The following EIF4G1 variants were observed in gnomAD, a reference collection of about 807,000 sequenced individuals.
EIF4G1 encodes the protein EIF4-gamma.
In EIF4G1, 4 loss-of-function variants were observed where a neutral mutation model predicts 187.8. The ratio of observed to expected loss-of-function variants is 0.02; its 90% CI spans 0.01 to 0.05. The LOEUF is 0.05. Among genes scored for constraint, EIF4G1 ranks in the 10% least tolerant of loss-of-function variants. The pLI, the probability that EIF4G1 is intolerant of heterozygous loss-of-function variation, is 1.00. For missense variants in EIF4G1, 1,647 were observed against 2,081.1 expected (o/e 0.79, Z 4.06); for synonymous variants, 844 against 781.4 (o/e 1.08, Z -1.34).
Position 184,331,720 on chromosome 3 carries a change from C to T in EIF4G1, c.4396-8C>T. The T allele has an allele frequency of 1.9e-6, 3 of 1,614,180 alleles. No homozygotes were observed. The highest frequency in any genetic ancestry group is 2.5e-6 in the Non-Finnish European group (3 of 1,180,024). ...AGAATCTGGGGATCATTTGTTTCTCCCATACAGGCCAACCTGAGTGAGCAG... is the reference window on the plus strand; with the variant it reads ...AGAATCTGGGGATCATTTGTTTCTCTCATACAGGCCAACCTGAGTGAGCAG... On this transcript the variant is annotated splice_polypyrimidine_tract_variant and splice_region_variant and intron_variant, in intron 30 of 32. Coordinates refer to ENST00000346169, the MANE Select transcript of EIF4G1 (RefSeq NM_198241.3).
At chr3:184,329,566 A>G (rs55829914) in intron 28 of EIF4G1, among the ~76,000 whole-genome samples, 26,253 of 152,172 alleles carry the variant, frequency 0.17, 2,946 homozygotes, top group Middle Eastern at 0.31. Context: ...AGGCGGAGGT[A>G]GCAGTGAGCC....
rs1481231586 is a variant in EIF4G1, at chr3:184,315,492, C to T, written c.-88C>T. On this transcript the variant is annotated 5_prime_UTR_variant, in exon 2 of 33. Transcript: ENST00000346169. ...TACCCTCACCTCCCAACCCCAGGCC[C>T]TCGGATGCCCAGAACCTGTAGGCCG... 1 of 664,186 alleles carries T rather than the reference C, an allele frequency of 1.5e-6. No homozygotes were observed. Among genetic ancestry groups the T allele is most frequent in the African/African-American group, 1.8e-5 (1 of 56,812 alleles). 41.1% of individuals were successfully genotyped at this position (664,186 alleles called of 1,614,324 possible).
Position 184,323,342 on chromosome 3 carries a change from TAGTG to T in EIF4G1, c.2089-65_2089-62del. On this transcript the variant is annotated intron_variant, in intron 14 of 32. Transcript: ENST00000346169. The surrounding 1 kb of genome is among the most constrained non-coding windows in gnomAD (Gnocchi z 6.9). ...AGGGGTTTGCCCTGGAGGCGTGTAGTAGTGGTGTCACATATTGTGCTGACTAGTT... is the reference window on the plus strand; with the variant it reads ...AGGGGTTTGCCCTGGAGGCGTGTAGTGTGTCACATATTGTGCTGACTAGTT... The T allele has an allele frequency of 6.2e-7, 1 of 1,612,142 alleles. No individual in the cohort carries two copies. The highest frequency in any genetic ancestry group is 8.5e-7 in the Non-Finnish European group (1 of 1,178,716).
Position 184,328,082 on chromosome 3 carries a change from C to G in EIF4G1, c.3953+80C>G, listed in dbSNP as rs918244413. The G allele has an allele frequency of 3.3e-5, 50 of 1,527,340 alleles. No individual in the cohort carries two copies. In the Admixed American group the frequency reaches 7.2e-4, roughly 22 times the overall value. 94.6% of individuals were successfully genotyped at this position (1,527,340 alleles called of 1,614,324 possible). On this transcript the variant is annotated intron_variant, in intron 26 of 32. Coordinates refer to ENST00000346169, the MANE Select transcript of EIF4G1 (RefSeq NM_198241.3). ...CCTTTTTGGGACCCTTGGAACCTTG[C>G]ATAAGAGTGTAGGTTCCCTGGCCGG... is the stretch of plus-strand genomic sequence containing the variant.
chr3:184,333,861 G>T (rs1284341946), intron 32 of EIF4G1, among the ~76,000 whole-genome samples: 7 of 152,190 alleles, frequency 4.6e-5, no homozygotes, highest in Non-Finnish European at 1.0e-4. Context: ...TCCCTGGGTG[G>T]GTATGTGTGG....
At position 184,315,512 on chromosome 3, in the gene EIF4G1, A is replaced by G; in HGVS notation, c.-68A>G. On this transcript the variant is annotated 5_prime_UTR_variant, in exon 2 of 33. Transcript: ENST00000346169. ...AGGCCCTCGGATGCCCAGAACCTGT[A>G]GGCCGCACCGTGGACTTGTTCTTAA... 2.9e-6 allele frequency: 2 copies of G among 697,530 alleles called. No homozygotes were observed. Among genetic ancestry groups the G allele is most frequent in the East Asian group, 2.9e-5 (1 of 34,676 alleles). 43.2% of individuals were successfully genotyped at this position (697,530 alleles called of 1,614,324 possible).
Position 184,327,501 on chromosome 3 carries a change from G to A in EIF4G1, c.3661+53G>A, listed in dbSNP as rs1035283265. On this transcript the variant is annotated intron_variant, in intron 24 of 32. Transcript: ENST00000346169. The stretch of plus-strand genomic sequence containing the variant: ...AAAGGCATTGGCTGCCTTGGGACTA[G>A]CTGGTCCCCAGCTTTTTGAGAGCTC... The A allele has an allele frequency of 3.7e-6, 6 of 1,612,738 alleles. No homozygotes were observed. The Admixed American group carries it at 6.7e-5, about 18-fold the overall frequency.
Position 184,328,346 on chromosome 3 carries a change from G to A in EIF4G1, c.3954-285G>A, listed in dbSNP as rs142902140. ...GTGGAGGTTGCAGTGAGCCGAGATC[G>A]TGCCATTGCACTCCAGCCTGGGTGA... On this transcript the variant is annotated intron_variant, in intron 26 of 32. Transcript: ENST00000346169. 1,431 of 501,612 alleles carry A rather than the reference G, an allele frequency of 2.9e-3. 7 individuals are homozygous for A. Among genetic ancestry groups the A allele is most frequent in the Non-Finnish European group, 4.6e-3 (1,279 of 276,518 alleles). 31.1% of individuals were successfully genotyped at this position (501,612 alleles called of 1,614,324 possible). A position where few individuals can be genotyped will look rare whatever the true frequency, so the allele number is the denominator to read the frequency against.
rs369570630 is a variant in EIF4G1 at position 184,315,094 on chromosome 3, C to T, written c.-91-395C>T. On this transcript the variant is annotated intron_variant, in intron 1 of 32. Coordinates refer to ENST00000346169, the MANE Select transcript of EIF4G1 (RefSeq NM_198241.3). ...ACTGGCCCGCGCTGCGCAGGGAGGG[C>T]GCAGGGGAGGGAGGCGGTGGCGGCG... 8.2e-4 allele frequency: 266 copies of T among 325,468 alleles called. 1 individual carries two copies. The East Asian group carries it at 0.022, about 27-fold the overall frequency. The allele number at this position is 325,468 out of a possible 1,614,324, so 20.2% of individuals were successfully genotyped here.
Position 184,325,173 on chromosome 3 carries a change from C to G in EIF4G1, c.2856+59C>G. The G allele has an allele frequency of 6.2e-7, 1 of 1,605,020 alleles. No homozygotes were observed. Among genetic ancestry groups the G allele is most frequent in the Non-Finnish European group, 8.5e-7 (1 of 1,171,896 alleles). ...GAAGCATATGTGGGGCTCACTGAGCCCACAATGATGGGGCGGAAGGCCTGA... is the reference window on the plus strand; with the variant it reads ...GAAGCATATGTGGGGCTCACTGAGCGCACAATGATGGGGCGGAAGGCCTGA... On this transcript the variant is annotated intron_variant, in intron 18 of 32. Transcript: ENST00000346169. The surrounding 1 kb of genome is among the most constrained non-coding windows in gnomAD (Gnocchi z 5.2).
chr3:184,321,317 C>T lies in EIF4G1; in HGVS notation c.733C>T (p.Pro245Ser), dbSNP rs748298511. Residue 245 changes from proline to serine, a missense_variant, in exon 10 of 33, where the codon CCA (proline) becomes TCA (serine). This residue lies in a region of EIF4G1 where 522 missense variants were observed against 485.2 expected (regional missense o/e 1.08). Transcript: ENST00000346169. Reference sequence around the variant, plus strand: ...ACAGGGAGCAATCATTGCTGACCGGCCAGGGCTGCCTGGCCCAGAGCATAG... The same window carrying T: ...ACAGGGAGCAATCATTGCTGACCGGTCAGGGCTGCCTGGCCCAGAGCATAG... ...RSQGAIIADR[P>S]GLPGPEHSPS... 2.5e-6 allele frequency: 4 copies of T among 1,614,120 alleles called. No individual in the cohort carries two copies. The highest frequency in any genetic ancestry group is 1.1e-5 in the South Asian group (1 of 91,086).
Position 184,327,888 on chromosome 3 carries a change from G to A in EIF4G1, c.3839G>A (p.Arg1280Gln). ...CCCTCCTTGCTCTTCATCTTTGTACGGCATGGTGTCGAGTCTACGCTGGAG... is the reference window on the plus strand; with the variant it reads ...CCCTCCTTGCTCTTCATCTTTGTACAGCATGGTGTCGAGTCTACGCTGGAG... ...ASPSLLFIFV[R>Q]HGVESTLERS... The change falls in exon 26 of 33, where the codon CGG (arginine) becomes CAG (glutamine). Residue 1280 changes from arginine (R) to glutamine (Q), a missense_variant. Transcript: ENST00000346169. 1 of 1,613,832 alleles carries A rather than the reference G, an allele frequency of 6.2e-7. No homozygotes were observed. The highest frequency in any genetic ancestry group is 8.5e-7 in the Non-Finnish European group (1 of 1,180,034).
At position 184,319,696 on chromosome 3, in the gene EIF4G1, C is replaced by T. The variant is rs1156790752; in HGVS notation, c.432C>T (p.Ala144=). The T allele has an allele frequency of 5.6e-6, 9 of 1,594,328 alleles. No individual in the cohort carries two copies. Among genetic ancestry groups the T allele is most frequent in the South Asian group, 4.5e-5 (4 of 88,150 alleles). The change falls in exon 7 of 33, where the codon GCC becomes GCT. Residue 144 remains alanine, a synonymous_variant. Coordinates refer to ENST00000346169, the MANE Select transcript of EIF4G1 (RefSeq NM_198241.3). The stretch of plus-strand genomic sequence containing the variant: ...CGTCCCCCCTCCCCCAAGCTGGCGC[C>T]TACTATCCAGCCCAAGGGGTGCAGC... ...SPTEFGTYAG[A]YYPAQGVQQF... is the part of the protein sequence containing the mutation.
Position 184,321,915 on chromosome 3 carries a change from C to G in EIF4G1, c.1331C>G (p.Thr444Arg), listed in dbSNP as rs143014570. 2 of 1,614,170 alleles carry G rather than the reference C, an allele frequency of 1.2e-6. No homozygotes were observed. Among genetic ancestry groups the G allele is most frequent in the East Asian group, 2.2e-5 (1 of 44,880 alleles). ...PPTIPSATPA[T>R]APSATSPAQE... ...ACCATCCCCTCTGCTACTCCAGCTA[C>G]GGCTCCTTCAGCTACTTCCCCAGCT... The change falls in exon 10 of 33, where the codon ACG becomes AGG. Residue 444 changes from threonine to arginine, a missense_variant. Physicochemically the swap from Thr to Arg is moderately conservative, Grantham distance 71. Around this residue, in one of 11 missense-constraint regions of EIF4G1, gnomAD observed 522 missense variants for 485.2 expected, o/e 1.08. Transcript: ENST00000346169.
Position 184,315,840 on chromosome 3 carries a change from C to T in EIF4G1, c.44C>T (p.Ser15Phe), listed in dbSNP as rs767579026. 2.8e-6 allele frequency: 3 copies of T among 1,075,140 alleles called. No individual in the cohort carries two copies. Among genetic ancestry groups the T allele is most frequent in the Non-Finnish European group, 3.9e-6 (3 of 763,178 alleles). 66.6% of individuals were successfully genotyped at this position (1,075,140 alleles called of 1,614,324 possible). ...PQSTGPPPAP[S>F]PGLPQPAFPP... is the part of the protein sequence containing the mutation. ...TCCACAGGCCCCCCACCCGCCCCATCCCCCGGACTCCCACAGGTAATTAGG... is the reference window on the plus strand; with the variant it reads ...TCCACAGGCCCCCCACCCGCCCCATTCCCCGGACTCCCACAGGTAATTAGG... Residue 15 changes from serine (S) to phenylalanine (F), a missense_variant, in exon 3 of 33, where the codon TCC becomes TTC. Physicochemically the swap from Ser to Phe is radical, Grantham distance 155 (BLOSUM62 -2). Coordinates refer to ENST00000346169, the MANE Select transcript of EIF4G1 (RefSeq NM_198241.3).
intron 7 of EIF4G1, 140 bp downstream of exon 7, chr3:184,319,941 C>A: frequency 1.4e-6 from 1 of 708,392 alleles, no homozygotes; most frequent in Non-Finnish European, 2.5e-6. Flanking sequence ...CTGTGGAGGG[C>A]TCAGGTTCTT....
At chr3:184,327,180 T>G (rs965407779) in intron 23 of EIF4G1, 36 bp from the exon 24 acceptor site, 2 of 1,610,832 alleles carry the variant, frequency 1.2e-6, no homozygotes, top group Admixed American at 1.7e-5. Flanking sequence ...GCCTGGGCAG[T>G]GCAAGTGAGT....
chr3:184,327,159 A>G (rs1413008563), intron 23 of EIF4G1, 57 bp from the exon 24 acceptor site: 2 of 1,604,602 alleles, frequency 1.2e-6, no homozygotes, highest in Non-Finnish European at 8.5e-7. Flanking sequence ...ATGTTGTGTA[A>G]TTACATGAGT....
chr3:184,317,642 A>G (rs751941155), intron 5 of EIF4G1, 75 bp from the exon 6 acceptor site: 51 of 1,534,842 alleles, frequency 3.3e-5, no homozygotes, highest in East Asian at 2.9e-4. Context: ...GTCTTGACCT[A>G]TGTTCTTTTT....
Sources: allele counts gnomAD v4.1 joint callset (sites outside exome capture counted in the v4.1 genomes callset), GRCh38; gene constraint gnomAD v4.1.1; regional missense constraint gnomAD v4.1.1; non-coding constraint Gnocchi (gnomAD v3.1); transcripts MANE v1.5; gene names NCBI Gene and HGNC (gene_info 2026-07-23, HGNC 2026-07-21).